Variants in ZNF324 observed in about 807,000 individuals in gnomAD.
ZNF324 encodes zinc finger protein 324.
Under a neutral mutation model 10.3 loss-of-function variants are expected in ZNF324, and 3 were observed. That is an observed-to-expected ratio of 0.29 (90% CI 0.13 to 0.75). The LOEUF (loss-of-function observed/expected upper bound fraction) is 0.75, where lower values mean the gene tolerates loss of function less well. Among genes scored for constraint, ZNF324 ranks in the 30% least tolerant of loss-of-function variants. The pLI, the probability that ZNF324 is intolerant of heterozygous loss-of-function variation, is 0.69. For synonymous variants in ZNF324, 430 were observed against 339.5 expected (o/e 1.27, Z -2.93); for missense variants, 763 against 784.4 (o/e 0.97, Z 0.33).
rs1362855021 is a variant in ZNF324 at position 58,471,110 on chromosome 19, C to G, written c.618C>G (p.Thr206=). The G allele has an allele frequency of 6.2e-7, 1 of 1,613,838 alleles. No homozygotes were observed. Among genetic ancestry groups the G allele is most frequent in the Admixed American group, 1.7e-5 (1 of 60,026 alleles). ...GTGCACAGGAGGTCCCTGGGAGAACCTTTGGGAGCGCCCAGGACCTGGAGG... is the reference window on the plus strand; with the variant it reads ...GTGCACAGGAGGTCCCTGGGAGAACGTTTGGGAGCGCCCAGGACCTGGAGG... ...KPCAQEVPGR[T]FGSAQDLEAA... is the part of the protein sequence containing the mutation. The change falls in exon 4 of 4, where the codon ACC becomes ACG. Residue 206 remains threonine, a synonymous_variant. Coordinates refer to ENST00000196482, the MANE Select transcript of ZNF324 (RefSeq NM_014347.3).
chr19:58,469,774 C>G lies in ZNF324; in HGVS notation c.168C>G (p.Gly56=). The G allele has an allele frequency of 6.3e-7, 1 of 1,595,164 alleles. No individual in the cohort carries two copies. The highest frequency in any genetic ancestry group is 8.5e-7 in the Non-Finnish European group (1 of 1,171,064). Residue 56 remains glycine, a synonymous_variant, in exon 3 of 4, where the codon GGC becomes GGG. Coordinates refer to ENST00000196482, the MANE Select transcript of ZNF324 (RefSeq NM_014347.3). ...GTGTGGTCATCCAACTGGAGCGTGGCGAGGAGCCCTGGGTTCCCAGTGGAA... is the reference window on the plus strand; with the variant it reads ...GTGTGGTCATCCAACTGGAGCGTGGGGAGGAGCCCTGGGTTCCCAGTGGAA... ...RPRVVIQLER[G]EEPWVPSGTD... is the part of the protein sequence containing the mutation.
In ZNF324 at chr19:58,472,213, T is replaced by A; in HGVS notation, c.*59T>A. 6.8e-7 allele frequency: 1 copy of A among 1,465,348 alleles called. No homozygotes were observed. 90.8% of individuals were successfully genotyped at this position (1,465,348 alleles called of 1,614,324 possible). Reference sequence around the variant, plus strand: ...CCCTTCCACAGCTAAAGGGCATATGTCCTCTGCAGATCCACAGCAGAGAAA... The same window carrying A: ...CCCTTCCACAGCTAAAGGGCATATGACCTCTGCAGATCCACAGCAGAGAAA... On this transcript the variant is annotated 3_prime_UTR_variant, in exon 4 of 4. Coordinates refer to ENST00000196482, the MANE Select transcript of ZNF324 (RefSeq NM_014347.3).
chr19:58,471,193 T>G lies in ZNF324; in HGVS notation c.701T>G (p.Leu234Arg). 1 of 1,613,198 alleles carries G rather than the reference T, an allele frequency of 6.2e-7. No individual in the cohort carries two copies. Among genetic ancestry groups the G allele is most frequent in the African/African-American group, 1.3e-5 (1 of 74,982 alleles). The change falls in exon 4 of 4, where the codon CTC becomes CGC. Residue 234 changes from leucine (L) to arginine (R), a missense_variant. Transcript: ENST00000196482. ...GCAGTTTGGCAGGAGCCTCATAGAC[T>G]CCTCGGTGGCCAGGAGCCCTCGACC... is the stretch of plus-strand genomic sequence containing the variant. Reference protein sequence around the residue: ...MGAVWQEPHRLLGGQEPSTWD... With the variant: ...MGAVWQEPHRRLGGQEPSTWD...
chr19:58,469,408 T>C, intron 2 of ZNF324, 102 bp downstream of exon 2: 14 of 1,479,012 alleles, frequency 9.5e-6, no homozygotes, highest in South Asian at 1.3e-5. Flanking sequence ...GCCTATACCT[T>C]GCAGCCAGGA....
rs1298491508 is a variant in ZNF324, at chr19:58,469,650, C to A, written c.122-78C>A. On this transcript the variant is annotated intron_variant, in intron 2 of 3. Transcript: ENST00000196482. ...GATGACATTTTCTGTTTCCGTGAAG[C>A]CCTGACTCCTGCCCTCTGTTTGGAG... The A allele has an allele frequency of 3.3e-6, 4 of 1,205,198 alleles. No homozygotes were observed. In the African/African-American group the frequency reaches 4.5e-5, roughly 14 times the overall value. 74.7% of individuals were successfully genotyped at this position (1,205,198 alleles called of 1,614,324 possible). A position where few individuals can be genotyped will look rare whatever the true frequency, so the allele number is the denominator to read the frequency against.
In ZNF324 at chr19:58,470,922, T is replaced by C. The variant is rs1217009852; in HGVS notation, c.430T>C (p.Trp144Arg). 1 of 1,614,208 alleles carries C rather than the reference T, an allele frequency of 6.2e-7. No individual in the cohort carries two copies. Among genetic ancestry groups the C allele is most frequent in the Non-Finnish European group, 8.5e-7 (1 of 1,180,030 alleles). ...ACCCACGGGGGTGTCGGTGATCTAC[T>C]GGGAGAGGCTCCTGCTAGGCTCAGG... ...RKPTGVSVIY[W>R]ERLLLGSGSG... is the part of the protein sequence containing the mutation. Residue 144 changes from tryptophan to arginine, a missense_variant, in exon 4 of 4, where the codon TGG (tryptophan) becomes CGG (arginine). Physicochemically the swap from Trp to Arg is moderately radical, Grantham distance 101. Transcript: ENST00000196482.
rs531967011 is a variant in ZNF324 at position 58,469,141 on chromosome 19, C to G, written c.-6-39C>G. ...GAAGCCAAAAGATTGGATAACCCAG[C>G]CTTAGACCATGGCTGTCTCTTCCTC... is the stretch of plus-strand genomic sequence containing the variant. On this transcript the variant is annotated intron_variant, in intron 1 of 3. Coordinates refer to ENST00000196482, the MANE Select transcript of ZNF324 (RefSeq NM_014347.3). 1.4e-4 allele frequency: 218 copies of G among 1,613,786 alleles called. 3 individuals carry two copies. In the South Asian group the frequency reaches 2.3e-3, roughly 17 times the overall value.
chr19:58,470,359 T>G (rs1417565669), intron 3 of ZNF324, among the ~76,000 whole-genome samples: 1 of 147,344 alleles, frequency 6.8e-6, no homozygotes. Context: ...CAGGAGCAGG[T>G]TGGGGAGTGG....
At chr19:58,470,166 T>A (rs2053015613) in intron 3 of ZNF324, among the ~76,000 whole-genome samples, 1 of 152,124 alleles carries the variant, frequency 6.6e-6, no homozygotes, top group Non-Finnish European at 1.5e-5. Context: ...TCACCCTTCA[T>A]CTTTGTGTTC....
chr19:58,468,632 GGTCATGAGTGGTCATGCTGA>G (rs1424727687), intron 1 of ZNF324, among the ~76,000 whole-genome samples: 2 of 152,106 alleles, frequency 1.3e-5, no homozygotes, highest in East Asian at 1.9e-4. Flanking sequence ...ATCTGGGGAG[GGTCATGAGTGGTCATGCTGA>G]GTCACGAGTG....
Position 58,471,299 on chromosome 19 carries a change from C to T in ZNF324, c.807C>T (p.Ser269=), listed in dbSNP as rs1199158456. Residue 269 remains serine, a synonymous_variant, in exon 4 of 4, where the codon AGC becomes AGT. Coordinates refer to ENST00000196482, the MANE Select transcript of ZNF324 (RefSeq NM_014347.3). The stretch of plus-strand genomic sequence containing the variant: ...CGTGCAGCAAAGTGTTCGTGAAGAG[C>T]TCCGACCTCCTCAAGCACCTACGCA... ...CRACSKVFVK[S]SDLLKHLRTH... 2 of 1,613,900 alleles carry T rather than the reference C, an allele frequency of 1.2e-6. No homozygotes were observed. Among genetic ancestry groups the T allele is most frequent in the Non-Finnish European group, 1.7e-6 (2 of 1,180,012 alleles).
chr19:58,474,549 C>T lies in ZNF324; in HGVS notation c.*2395C>T, dbSNP rs548974086. The T allele has an allele frequency of 6.6e-6, 1 of 152,212 alleles. No homozygotes were observed. The highest frequency in any genetic ancestry group is 1.9e-4 in the East Asian group (1 of 5,152). 9.4% of individuals were successfully genotyped at this position (152,212 alleles called of 1,614,324 possible). A position where few individuals can be genotyped will look rare whatever the true frequency, so the allele number is the denominator to read the frequency against. ...CCTCCAATCTTCCCCTCCCCAAACCCATGACTGATCAGTGGCCCCCAACCT... is the reference window on the plus strand; with the variant it reads ...CCTCCAATCTTCCCCTCCCCAAACCTATGACTGATCAGTGGCCCCCAACCT... On this transcript the variant is annotated 3_prime_UTR_variant, in exon 4 of 4. Coordinates refer to ENST00000196482, the MANE Select transcript of ZNF324 (RefSeq NM_014347.3).
rs558057626 is a variant in ZNF324, at chr19:58,469,749, G to C, written c.143G>C (p.Arg48Pro). Residue 48 changes from arginine (R) to proline (P), a missense_variant, in exon 3 of 4, where the codon CGT becomes CCT. Transcript: ENST00000196482. ...ASLGLSTSRP[R>P]VVIQLERGEE... is the part of the protein sequence containing the mutation. ...ACAGGACTCTCCACCTCTCGACCTC[G>C]TGTGGTCATCCAACTGGAGCGTGGC... 1.9e-6 allele frequency: 3 copies of C among 1,584,302 alleles called. No homozygotes were observed. Among genetic ancestry groups the C allele is most frequent in the Non-Finnish European group, 8.6e-7 (1 of 1,165,392 alleles).
Position 58,470,789 on chromosome 19 carries a change from A to G in ZNF324, c.297A>G (p.Pro99=), listed in dbSNP as rs1409305525. 2 of 1,614,058 alleles carry G rather than the reference A, an allele frequency of 1.2e-6. No homozygotes were observed. Among genetic ancestry groups the G allele is most frequent in the African/African-American group, 1.3e-5 (1 of 74,922 alleles). ...CTGGAGAATGGCCACGAGCTTTCCC[A>G]GATACCCCACCTGGGATGACTACTA... is the stretch of plus-strand genomic sequence containing the variant. ...DVSGEWPRAF[P]DTPPGMTTSV... is the part of the protein sequence containing the mutation. Residue 99 remains proline (P), a synonymous_variant, in exon 4 of 4, where the codon CCA becomes CCG. Transcript: ENST00000196482.
Position 58,471,149 on chromosome 19 carries a change from G to A in ZNF324, c.657G>A (p.Arg219=), listed in dbSNP as rs748181695. Residue 219 remains arginine, a synonymous_variant, in exon 4 of 4, where the codon CGG becomes CGA. Transcript: ENST00000196482. ...AGGACCTGGAGGCTGCCGGCGGTCG[G>A]GGACATCACCGAATGGGTGCAGTTT... ...SAQDLEAAGG[R]GHHRMGAVWQ... 2 of 1,613,726 alleles carry A rather than the reference G, an allele frequency of 1.2e-6. No homozygotes were observed. Among genetic ancestry groups the A allele is most frequent in the African/African-American group, 2.7e-5 (2 of 75,058 alleles).
At chr19:58,469,611 T>C (rs1465726023) in intron 2 of ZNF324, 117 bp from the exon 3 acceptor site, 1 of 870,998 alleles carries the variant, frequency 1.1e-6, no homozygotes, top group Admixed American at 2.1e-5. Flanking sequence ...ATCTTTAGAT[T>C]CTGCAGTTGC....
At chr19:58,470,548 C>A in intron 3 of ZNF324, 183 bp from the exon 4 acceptor site, 1 of 751,492 alleles carries the variant, frequency 1.3e-6, no homozygotes, top group South Asian at 1.5e-5. Flanking sequence ...GTAGTCAGTG[C>A]CATACCTATC....
In ZNF324 at chr19:58,471,560, C is replaced by T. The variant is rs2053033241; in HGVS notation, c.1068C>T (p.Leu356=). 6.3e-7 allele frequency: 1 copy of T among 1,585,546 alleles called. No homozygotes were observed. The highest frequency in any genetic ancestry group is 8.6e-7 in the Non-Finnish European group (1 of 1,164,196). The change falls in exon 4 of 4, where the codon CTC becomes CTT. Residue 356 remains leucine (L), a synonymous_variant. Transcript: ENST00000196482. ...CGKAFSHGSN[L]SQHRKIHAGG... is the part of the protein sequence containing the mutation. ...AGGCCTTCAGCCACGGCTCCAACCT[C>T]AGCCAGCACCGCAAGATCCACGCGG... is the stretch of plus-strand genomic sequence containing the variant.
At chr19:58,468,241 C>T (rs2052998821) in intron 1 of ZNF324, 1 of 985,106 alleles carries the variant, frequency 1.0e-6, no homozygotes, top group East Asian at 1.1e-4. Flanking sequence ...GTGGACAGGG[C>T]CTATGAATTG....
Sources: allele counts gnomAD v4.1 joint callset (sites outside exome capture counted in the v4.1 genomes callset), GRCh38; gene constraint gnomAD v4.1.1; transcripts MANE v1.5; gene names NCBI Gene and HGNC (gene_info 2026-07-23, HGNC 2026-07-21).